The following CDK14 variants were observed in gnomAD, a reference collection of about 807,000 sequenced individuals.
CDK14 encodes the protein cyclin dependent kinase 14, also known as cyclin-dependent kinase 14.
A neutral mutation model predicts 60.7 loss-of-function variants in CDK14; 34 were observed. That is an observed-to-expected ratio of 0.56 (90% confidence interval 0.43 to 0.75). CDK14 has a LOEUF of 0.75. Among genes scored for constraint, CDK14 ranks in the 30% least tolerant of loss-of-function variants. The probability of loss-of-function intolerance (pLI) is 0.00; values close to 1 mark genes in which losing one functional copy is unlikely to be tolerated. For synonymous variants in CDK14, 197 were observed against 203.7 expected (o/e 0.97, Z 0.28); for missense variants, 482 against 564.1 (o/e 0.85, Z 1.47).
intron 2 of CDK14, chr7:90,608,653 C>T (rs1799471270): frequency 4.2e-6 from 2 of 471,632 alleles, no homozygotes; most frequent in South Asian, 1.8e-4. Context: ...GGCATATAAT[C>T]CAGATAATTA....
At chr7:90,880,956 AAAACTGGAC>A (rs1791730448) in intron 6 of CDK14, among the ~76,000 whole-genome samples, 1 of 152,230 alleles carries the variant, frequency 6.6e-6, no homozygotes, top group Non-Finnish European at 1.5e-5. Context: ...CTCGAAGATG[AAAACTGGAC>A]AAACTCATGA....
At chr7:90,776,991 A>G (rs984402005) in intron 4 of CDK14, among the ~76,000 whole-genome samples, 8 of 149,632 alleles carry the variant, frequency 5.3e-5, no homozygotes, top group Non-Finnish European at 1.2e-4. Flanking sequence ...ACAATTAGAA[A>G]GCAAAATAGT....
intron 10 of CDK14, among the ~76,000 whole-genome samples, chr7:91,042,932 A>G (rs191136882): frequency 1.7e-4 from 26 of 151,992 alleles, no homozygotes. Context: ...AACCCAAACA[A>G]TTTTTTCCAA....
chr7:90,635,847 C>G (rs1263338195), intron 2 of CDK14, among the ~76,000 whole-genome samples: 4 of 151,808 alleles, frequency 2.6e-5, no homozygotes, highest in South Asian at 2.1e-4. Flanking sequence ...AGAGGTCCTT[C>G]ACGTCCCTTG....
chr7:91,076,282 G>A (rs1030919283), intron 11 of CDK14, among the ~76,000 whole-genome samples: 1 of 110,040 alleles, frequency 9.1e-6, no homozygotes, highest in Admixed American at 9.8e-5. Flanking sequence ...AAAAATCATG[G>A]TACTGGTACC....
At chr7:90,847,435 TA>T (rs1244811091) in intron 5 of CDK14, among the ~76,000 whole-genome samples, 3 of 152,118 alleles carry the variant, frequency 2.0e-5, no homozygotes, top group African/African-American at 7.2e-5. Context: ...ATTATCCAGA[TA>T]AAAAATTAAA....
Position 90,990,843 on chromosome 7 carries a change from G to A in CDK14, c.1041+6602G>A, listed in dbSNP as rs116159588. ...AATTTGCTTGCAGTTTTTATGCTAC[G>A]GTAATCATTGCATATTTTTACCACA... is the stretch of plus-strand genomic sequence containing the variant. On this transcript the variant is annotated intron_variant, in intron 10 of 14. Transcript: ENST00000380050. 5.8e-3 allele frequency among the ~76,000 whole-genome samples: 881 copies of A among 151,966 alleles called. 16 individuals are homozygous for A. The highest frequency in any genetic ancestry group is 0.02 in the African/African-American group (824 of 41,434).
rs199997396 is a variant in CDK14, at chr7:90,649,418, TTTCC to T, written c.123+45173_123+45176del. On this transcript the variant is annotated intron_variant, in intron 2 of 14. Coordinates refer to ENST00000380050, the MANE Select transcript of CDK14 (RefSeq NM_001287135.2). ...CCTTCTTTCTTTCTTTCTTTCTTTC[TTTCC>T]TTCTTTCTTTCTCTTTCCTTCCTTC... is the stretch of plus-strand genomic sequence containing the variant. Among the ~76,000 whole-genome samples the T allele has an allele frequency of 3.6e-3, 402 of 110,808 alleles. 37 individuals are homozygous for T. The highest frequency in any genetic ancestry group is 0.025 in the East Asian group (50 of 1,964). 72.7% of individuals were successfully genotyped at this position (110,808 alleles called of 152,430 possible).
At chr7:90,765,404 C>T (rs1169083930) in intron 4 of CDK14, among the ~76,000 whole-genome samples, 8 of 152,032 alleles carry the variant, frequency 5.3e-5, no homozygotes, top group African/African-American at 1.9e-4. Flanking sequence ...GATGAAATAA[C>T]AGACCACCAA....
At chr7:91,081,763 C>A (rs1015051348) in intron 12 of CDK14, among the ~76,000 whole-genome samples, 1 of 151,984 alleles carries the variant, frequency 6.6e-6, no homozygotes, top group African/African-American at 2.4e-5. Context: ...TAATTTCATC[C>A]TTTGAAAGAT....
Position 90,917,659 on chromosome 7 carries a change from A to G in CDK14, c.761A>G (p.His254Arg), listed in dbSNP as rs762051742. The change falls in exon 8 of 15, where the codon CAC becomes CGC. Residue 254 changes from histidine to arginine, a missense_variant. His to Arg is a conservative substitution (Grantham distance 29). Transcript: ENST00000380050. The part of the protein sequence containing the change: ...LSYIHQRYIL[H>R]RDLKPQNLLI... ...TACATCCACCAGCGTTATATTTTGCACAGAGACCTGAAACCACAGAACCTT... is the reference window on the plus strand; with the variant it reads ...TACATCCACCAGCGTTATATTTTGCGCAGAGACCTGAAACCACAGAACCTT... 21 of 1,613,804 alleles carry G rather than the reference A, an allele frequency of 1.3e-5. No individual in the cohort carries two copies. Among genetic ancestry groups the G allele is most frequent in the Non-Finnish European group, 1.8e-5 (21 of 1,179,756 alleles).
chr7:90,773,903 CTT>C (rs66713333), intron 4 of CDK14, among the ~76,000 whole-genome samples: 14,626 of 80,316 alleles, frequency 0.18, 1,013 homozygotes, highest in Middle Eastern at 0.2. Context: ...TCTTTTCTTT[CTT>C]TTTTTTTTTT....
chr7:90,978,669 C>A (rs955450454), intron 9 of CDK14, among the ~76,000 whole-genome samples: 3 of 152,078 alleles, frequency 2.0e-5, no homozygotes, highest in Admixed American at 6.5e-5. Flanking sequence ...AGTTAGATAG[C>A]ACCTTATTAA....
At chr7:90,871,011 G>A (rs7780162) in intron 6 of CDK14, among the ~76,000 whole-genome samples, 138,034 of 152,126 alleles carry the variant, frequency 0.91, 62,679 homozygotes, top group East Asian at 0.96. Context: ...GAACCACTTT[G>A]TCCAAAGCAT....
chr7:90,882,795 A>C lies in CDK14; in HGVS notation c.640-16496A>C, dbSNP rs913011135. Among the ~76,000 whole-genome samples the C allele has an allele frequency of 3.9e-5, 6 of 152,330 alleles. No individual in the cohort carries two copies. In the East Asian group the frequency reaches 1.2e-3, roughly 29 times the overall value. On this transcript the variant is annotated intron_variant, in intron 6 of 14. Transcript: ENST00000380050. ...AACTCAGGATTAAGAAACTCACTCA[A>C]AACCACACAATTTCCTGGAAGTTGA... is the stretch of plus-strand genomic sequence containing the variant.
At position 90,955,834 on chromosome 7, in the gene CDK14, TTAC is replaced by T; in HGVS notation, c.947+19_947+21del. The T allele has an allele frequency of 6.2e-7, 1 of 1,611,838 alleles. No individual in the cohort carries two copies. The highest frequency in any genetic ancestry group is 8.5e-7 in the Non-Finnish European group (1 of 1,178,578). ...TGACATGTGGTGAGAAATGGAAGCT[TTAC>T]TCTAGCTAATCTATCTGTAGTGCTT... On this transcript the variant is annotated intron_variant, in intron 9 of 14. Coordinates refer to ENST00000380050, the MANE Select transcript of CDK14 (RefSeq NM_001287135.2).
chr7:90,956,308 T>A (rs1794408653), intron 9 of CDK14, among the ~76,000 whole-genome samples: 1 of 152,178 alleles, frequency 6.6e-6, no homozygotes, highest in Admixed American at 6.5e-5. Context: ...TTTTAAAAAA[T>A]ATTATATGTT....
chr7:90,671,779 C>G (rs965036640), intron 2 of CDK14, among the ~76,000 whole-genome samples: 10 of 152,212 alleles, frequency 6.6e-5, no homozygotes, highest in African/African-American at 1.9e-4. Flanking sequence ...GGTTATGAAA[C>G]TTGCATAACA....
At chr7:90,899,519 C>A (rs993848328) in intron 7 of CDK14, among the ~76,000 whole-genome samples, 166 bp downstream of exon 7, 1 of 152,010 alleles carries the variant, frequency 6.6e-6, no homozygotes, top group Non-Finnish European at 1.5e-5. Context: ...TTGTTGGAAA[C>A]CATGTTTTAA....
Sources: allele counts gnomAD v4.1 joint callset (sites outside exome capture counted in the v4.1 genomes callset), GRCh38; gene constraint gnomAD v4.1.1; transcripts MANE v1.5; gene names NCBI Gene and HGNC (gene_info 2026-07-23, HGNC 2026-07-21).